RCOR3: variants seen among roughly 807,000 people sequenced by gnomAD.
The protein encoded by RCOR3 is REST corepressor 3.
RCOR3 carries 13 observed loss-of-function variants against 64.1 expected under a neutral mutation model. The ratio of observed to expected loss-of-function variants is 0.20; its 90% CI spans 0.13 to 0.32. The LOEUF is 0.32. Among genes scored for constraint, RCOR3 ranks in the 10% least tolerant of loss-of-function variants. RCOR3 has a pLI of 1.00. For missense variants in RCOR3, 489 were observed against 701.2 expected (o/e 0.70, Z 3.42); for synonymous variants, 215 against 239.0 (o/e 0.90, Z 0.93).
Position 211,313,384 on chromosome 1 carries a change from C to CTT in RCOR3, c.1318-39_1318-38dup. ...CTATATTGTATTAAGTTCATTAGGACTTACATCTCATACGTGTATTTTTGT... is the reference window on the plus strand; with the variant it reads ...CTATATTGTATTAAGTTCATTAGGACTTTTACATCTCATACGTGTATTTTTGT... On this transcript the variant is annotated intron_variant, in intron 11 of 11. Transcript: ENST00000419091. The surrounding 1 kb of genome is among the most constrained non-coding windows in gnomAD (Gnocchi z 4.7). 6.3e-7 allele frequency: 1 copy of CTT among 1,579,612 alleles called. No homozygotes were observed. Among genetic ancestry groups the CTT allele is most frequent in the Non-Finnish European group, 8.6e-7 (1 of 1,161,244 alleles).
At chr1:211,292,990 A>G (rs1290683235) in intron 8 of RCOR3, among the ~76,000 whole-genome samples, 1 of 152,064 alleles carries the variant, frequency 6.6e-6, no homozygotes, top group African/African-American at 2.4e-5. Context: ...AGGCTGAGGC[A>G]GGAGAATAGC....
At chr1:211,275,809 A>T (rs545496300) in intron 4 of RCOR3, among the ~76,000 whole-genome samples, 1 of 151,924 alleles carries the variant, frequency 6.6e-6, no homozygotes, top group Non-Finnish European at 1.5e-5. Flanking sequence ...CTTGTAAAAG[A>T]TTAAAACTTA....
chr1:211,267,724 T>C, intron 2 of RCOR3: 1 of 264,684 alleles, frequency 3.8e-6, no homozygotes, highest in Non-Finnish European at 7.5e-6. Flanking sequence ...CTTGAGTAGT[T>C]GGGACTACAG....
At chr1:211,265,476 G>T (rs1180080130) in intron 2 of RCOR3, among the ~76,000 whole-genome samples, 2 of 152,152 alleles carry the variant, frequency 1.3e-5, no homozygotes, top group Admixed American at 6.5e-5. Context: ...CTGGCACTTT[G>T]GGAAGCCAAG....
intron 3 of RCOR3, 61 bp downstream of exon 3, chr1:211,271,370 G>T: frequency 7.4e-7 from 1 of 1,354,856 alleles, no homozygotes; most frequent in South Asian, 1.2e-5. Flanking sequence ...TTCAAAATAT[G>T]ACTTACGTTT....
Position 211,264,214 on chromosome 1 carries a change from C to T in RCOR3, c.223+4050C>T, listed in dbSNP as rs140703746. 4.3e-3 allele frequency among the ~76,000 whole-genome samples: 657 copies of T among 152,248 alleles called. 4 individuals carry two copies. The highest frequency in any genetic ancestry group is 0.015 in the African/African-American group (630 of 41,544). On this transcript the variant is annotated intron_variant, in intron 2 of 11. Coordinates refer to ENST00000419091, the MANE Select transcript of RCOR3 (RefSeq NM_001136223.3). ...TCTTTGTTTCCTAAGCCACTCAATC[C>T]ATCTTTATGGAGATTGTTGACCCAT...
chr1:211,292,104 C>A (rs539222418), intron 8 of RCOR3, among the ~76,000 whole-genome samples: 1 of 152,224 alleles, frequency 6.6e-6, no homozygotes, highest in African/African-American at 2.4e-5. Context: ...AACAAGTGGC[C>A]AACATCTAAT....
At chr1:211,298,307 T>A (rs1700042841) in intron 9 of RCOR3, among the ~76,000 whole-genome samples, 1 of 152,154 alleles carries the variant, frequency 6.6e-6, no homozygotes, top group African/African-American at 2.4e-5. Flanking sequence ...AGAGGGGGAA[T>A]ACTGCAGCTG....
At chr1:211,276,194 C>T (rs191247678) in intron 4 of RCOR3, 63 bp from the exon 5 acceptor site, 2 of 1,453,486 alleles carry the variant, frequency 1.4e-6, no homozygotes, top group East Asian at 2.3e-5. Context: ...TTGTGTTTAA[C>T]TTTCTTAAGT....
rs1693773398 is a variant in RCOR3 at position 211,259,453 on chromosome 1, C to CCGT, written c.-106_-104dup. ...GCCTCCTCCTCCTCCGCCGCCGCCG[C>CCGT]CGTCTCCTCCTCCTCCTCCTTTCCC... is the stretch of plus-strand genomic sequence containing the variant. On this transcript the variant is annotated 5_prime_UTR_variant, in exon 1 of 12. Coordinates refer to ENST00000419091, the MANE Select transcript of RCOR3 (RefSeq NM_001136223.3). 2 of 1,109,012 alleles carry CCGT rather than the reference C, an allele frequency of 1.8e-6. No homozygotes were observed. The highest frequency in any genetic ancestry group is 1.3e-6 in the Non-Finnish European group (1 of 793,400). 68.7% of individuals were successfully genotyped at this position (1,109,012 alleles called of 1,614,324 possible).
intron 10 of RCOR3, among the ~76,000 whole-genome samples, chr1:211,310,360 G>T (rs1378294768): frequency 2.0e-5 from 3 of 152,148 alleles, no homozygotes; most frequent in Admixed American, 6.5e-5. Flanking sequence ...GAACAAATGT[G>T]CCTAGATATT....
intron 10 of RCOR3, among the ~76,000 whole-genome samples, chr1:211,304,422 CCTT>C (rs1470474224): frequency 3.9e-5 from 6 of 152,174 alleles, no homozygotes; most frequent in African/African-American, 1.4e-4. Context: ...CTGTGCTTCT[CCTT>C]TGGTATTCCT....
At chr1:211,286,031 A>C (rs1489807956) in intron 7 of RCOR3, among the ~76,000 whole-genome samples, 2 of 152,182 alleles carry the variant, frequency 1.3e-5, no homozygotes, top group Non-Finnish European at 1.5e-5. Context: ...TTATCATTTT[A>C]CTTTCAACAT....
At chr1:211,297,152 A>ATT (rs759375234) in intron 9 of RCOR3, among the ~76,000 whole-genome samples, 6 of 152,156 alleles carry the variant, frequency 3.9e-5, no homozygotes, top group Non-Finnish European at 8.8e-5. Context: ...TACAGAAAAC[A>ATT]TTTACTAAGT....
intron 8 of RCOR3, among the ~76,000 whole-genome samples, chr1:211,293,223 T>C (rs1699460478): frequency 6.6e-6 from 1 of 152,218 alleles, no homozygotes; most frequent in Admixed American, 6.5e-5. Context: ...TTATTTATTA[T>C]TTCTCACCTG....
rs982189603 is a variant in RCOR3, at chr1:211,316,065, G to A, written c.*2297G>A. On this transcript the variant is annotated 3_prime_UTR_variant, in exon 12 of 12. Coordinates refer to ENST00000419091, the MANE Select transcript of RCOR3 (RefSeq NM_001136223.3). Reference sequence around the variant, plus strand: ...AATTTCATGTTCTATGAGGAATTTAGTACCTCTTCACTGTGAAATTCGAAA... The same window carrying A: ...AATTTCATGTTCTATGAGGAATTTAATACCTCTTCACTGTGAAATTCGAAA... 1.7e-4 allele frequency: 26 copies of A among 152,280 alleles called. 1 individual carries two copies. Among genetic ancestry groups the A allele is most frequent in the Admixed American group, 7.8e-4 (12 of 15,292 alleles). The allele number at this position is 152,280 out of a possible 1,614,324, so 9.4% of individuals were successfully genotyped here.
At chr1:211,309,979 G>A (rs1043085669) in intron 10 of RCOR3, among the ~76,000 whole-genome samples, 7 of 152,144 alleles carry the variant, frequency 4.6e-5, no homozygotes, top group Non-Finnish European at 8.8e-5. Context: ...GAGCCATGCT[G>A]TTCTGAGTGT....
At chr1:211,295,958 C>G (rs999130643) in intron 9 of RCOR3, among the ~76,000 whole-genome samples, 2 of 151,982 alleles carry the variant, frequency 1.3e-5, no homozygotes, top group African/African-American at 4.8e-5. Flanking sequence ...TATTTATTTC[C>G]TGCCCTTAGA....
intron 8 of RCOR3, among the ~76,000 whole-genome samples, chr1:211,290,720 C>T (rs908101043): frequency 3.3e-5 from 5 of 152,118 alleles, no homozygotes; most frequent in Non-Finnish European, 7.4e-5. Flanking sequence ...GGAGGTTACA[C>T]ATTGTTGCCA....
Sources: gnomAD v4.1 joint callset for allele counts (sites outside exome capture counted in the v4.1 genomes callset) on GRCh38, gnomAD v4.1.1 for gene constraint, Gnocchi (gnomAD v3.1) non-coding constraint, MANE v1.5 for transcripts, NCBI Gene and HGNC (gene_info 2026-07-23, HGNC 2026-07-21) for gene names.